Variants in SLC12A1 observed in about 807,000 individuals in gnomAD.
SLC12A1 encodes solute carrier family 12 member 1, also known as Na-K-2Cl cotransporter.
SLC12A1 carries 89 observed loss-of-function variants against 130.4 expected under a neutral mutation model. The ratio of observed to expected loss-of-function variants is 0.68; its 90% confidence interval spans 0.58 to 0.81. The LOEUF (loss-of-function observed/expected upper bound fraction) is 0.81. Among genes scored for constraint, SLC12A1 ranks in the 40% least tolerant of loss-of-function variants. The pLI is 0.00. For synonymous variants in SLC12A1, 499 were observed against 460.0 expected, an observed-to-expected ratio of 1.08 and a Z score of -1.09; for missense variants, 1,310 against 1,336.4, an observed-to-expected ratio of 0.98 and a Z score of 0.31.
At chr15:48,229,562 A>G (rs1031837812) in intron 6 of SLC12A1, among the ~76,000 whole-genome samples, 5 of 152,208 alleles carry the variant, frequency 3.3e-5, no homozygotes, top group Non-Finnish European at 5.9e-5. Context: ...TTCCAAATCT[A>G]TAATATGGGC....
intron 15 of SLC12A1, among the ~76,000 whole-genome samples, chr15:48,252,981 G>T (rs2041664963): frequency 6.6e-6 from 1 of 152,266 alleles, no homozygotes; most frequent in African/African-American, 2.4e-5. Flanking sequence ...GATGCCACAG[G>T]CTAATCAATT....
intron 4 of SLC12A1, chr15:48,225,943 A>C (rs1160932655): frequency 1.0e-6 from 1 of 972,390 alleles, no homozygotes; most frequent in African/African-American, 1.8e-5. Context: ...GATGTGTCAG[A>C]GGAGGTAATT....
At chr15:48,270,647 C>CAT (rs1051736675) in intron 19 of SLC12A1, among the ~76,000 whole-genome samples, 1 of 134,832 alleles carries the variant, frequency 7.4e-6, no homozygotes, top group Non-Finnish European at 1.5e-5. Context: ...CAAAGTATTT[C>CAT]ATATATATAT....
chr15:48,253,277 A>T (rs2041668569), intron 15 of SLC12A1, among the ~76,000 whole-genome samples: 1 of 152,254 alleles, frequency 6.6e-6, no homozygotes, highest in Non-Finnish European at 1.5e-5. Context: ...ACAGTGCTGT[A>T]ACCGTCATCA....
intron 19 of SLC12A1, among the ~76,000 whole-genome samples, chr15:48,274,148 AATG>A (rs2041926456): frequency 6.6e-6 from 1 of 152,192 alleles, no homozygotes; most frequent in Non-Finnish European, 1.5e-5. Flanking sequence ...TGATGTCAGA[AATG>A]TTACAGGAGT....
At chr15:48,213,184 G>A (rs2041075791) in intron 2 of SLC12A1, among the ~76,000 whole-genome samples, 1 of 152,178 alleles carries the variant, frequency 6.6e-6, no homozygotes. Context: ...CAGAGTCCTT[G>A]ATCTTCAGTT....
At chr15:48,285,604 C>T (rs1379553148) in intron 21 of SLC12A1, among the ~76,000 whole-genome samples, 1 of 152,220 alleles carries the variant, frequency 6.6e-6, no homozygotes, top group African/African-American at 2.4e-5. Flanking sequence ...TATCCACAGA[C>T]ACCCTTACCT....
At chr15:48,281,593 G>C (rs1427322057) in intron 20 of SLC12A1, among the ~76,000 whole-genome samples, 2 of 152,176 alleles carry the variant, frequency 1.3e-5, no homozygotes, top group African/African-American at 4.8e-5. Context: ...CAGAAGACTT[G>C]GGTCACTAGC....
At chr15:48,217,669 T>C (rs2041140645) in intron 2 of SLC12A1, among the ~76,000 whole-genome samples, 1 of 152,128 alleles carries the variant, frequency 6.6e-6, no homozygotes, top group Admixed American at 6.5e-5. Context: ...CAATAAGAAA[T>C]GAGCTGTCCC....
At chr15:48,221,707 T>G (rs547291793) in intron 4 of SLC12A1, among the ~76,000 whole-genome samples, 23 of 152,322 alleles carry the variant, frequency 1.5e-4, no homozygotes, top group Non-Finnish European at 1.8e-4. Flanking sequence ...TAGTAAAGTT[T>G]TTATGAAAAA....
In SLC12A1 at chr15:48,207,735, T is replaced by C. The variant is rs1232353451; in HGVS notation, c.16T>C (p.Ser6Pro). MSLNN[S>P]SNVFLDSVPS... Reference sequence around the variant, plus strand: ...ATTTTGGAAGATGTCACTGAACAACTCTTCCAATGTATTTCTGGATTCAGT... The same window carrying C: ...ATTTTGGAAGATGTCACTGAACAACCCTTCCAATGTATTTCTGGATTCAGT... The change falls in exon 2 of 27, where the codon TCT becomes CCT. Residue 6 changes from serine (S) to proline (P), a missense_variant. Coordinates refer to ENST00000380993, the MANE Select transcript of SLC12A1 (RefSeq NM_000338.3). The C allele has an allele frequency of 2.5e-6, 4 of 1,578,176 alleles. No homozygotes were observed. The highest frequency in any genetic ancestry group is 1.2e-5 in the South Asian group (1 of 84,272).
At chr15:48,237,938 C>A (rs1211882416) in intron 9 of SLC12A1, among the ~76,000 whole-genome samples, 1 of 151,880 alleles carries the variant, frequency 6.6e-6, no homozygotes, top group Non-Finnish European at 1.5e-5. Flanking sequence ...ATAATCTGGA[C>A]AAGAGATGGC....
chr15:48,267,632 C>A lies in SLC12A1; in HGVS notation c.2226C>A (p.Asn742Lys). Residue 742 changes from asparagine to lysine, a missense_variant, in exon 18 of 27, where the codon AAC becomes AAA. Coordinates refer to ENST00000380993, the MANE Select transcript of SLC12A1 (RefSeq NM_000338.3). ...AAAAACAGGCCTGGCTTATAAAGAA[C>A]AAAATCAAGGCTTTTTATGCTGCAG... ...MAKKQAWLIK[N>K]KIKAFYAAVA... 6.2e-7 allele frequency: 1 copy of A among 1,613,598 alleles called. No homozygotes were observed. The highest frequency in any genetic ancestry group is 8.5e-7 in the Non-Finnish European group (1 of 1,179,622).
intron 2 of SLC12A1, among the ~76,000 whole-genome samples, chr15:48,210,163 T>C (rs561168864): frequency 4.0e-5 from 6 of 151,478 alleles, no homozygotes; most frequent in Non-Finnish European, 7.4e-5. Flanking sequence ...CCCCCAGGAG[T>C]TTCCAAGACA....
intron 5 of SLC12A1, chr15:48,227,064 T>A (rs749379017): frequency 6.5e-7 from 1 of 1,539,886 alleles, no homozygotes; most frequent in Non-Finnish European, 8.8e-7. Context: ...ACACCTTTCT[T>A]GGGGGATTTT....
chr15:48,269,883 C>T, intron 19 of SLC12A1, 119 bp downstream of exon 19: 3 of 491,846 alleles, frequency 6.1e-6, no homozygotes, highest in Non-Finnish European at 1.1e-5. Context: ...GAGTACATTC[C>T]CCTGGTACTC....
intron 26 of SLC12A1, 134 bp downstream of exon 26, chr15:48,301,516 C>T (rs1488171872): frequency 1.3e-5 from 7 of 539,862 alleles, no homozygotes; most frequent in Admixed American, 3.2e-5. Context: ...GGGGGGAACA[C>T]GTGGGATTCT....
Position 48,280,607 on chromosome 15 carries a change from C to A in SLC12A1, c.2486-4499C>A, listed in dbSNP as rs149832072. Reference sequence around the variant, plus strand: ...TGGCCTTATAAACTATGACATACTACAGAATTATCTAATGTATTCAAGTTC... The same window carrying A: ...TGGCCTTATAAACTATGACATACTAAAGAATTATCTAATGTATTCAAGTTC... On this transcript the variant is annotated intron_variant, in intron 20 of 26. Coordinates refer to ENST00000380993, the MANE Select transcript of SLC12A1 (RefSeq NM_000338.3). Among the ~76,000 whole-genome samples, 9 of 152,210 alleles carry A rather than the reference C, an allele frequency of 5.9e-5. No homozygotes were observed. The East Asian group carries it at 1.7e-3, about 29-fold the overall frequency.
At chr15:48,261,571 C>A (rs961742997) in intron 17 of SLC12A1, among the ~76,000 whole-genome samples, 4 of 152,190 alleles carry the variant, frequency 2.6e-5, no homozygotes, top group African/African-American at 9.6e-5. Context: ...GCTCCTGGGG[C>A]TGCAGATGTT....
Sources: gnomAD v4.1 joint callset for allele counts (sites outside exome capture counted in the v4.1 genomes callset) on GRCh38, gnomAD v4.1.1 for gene constraint, MANE v1.5 for transcripts, NCBI Gene and HGNC (gene_info 2026-07-23, HGNC 2026-07-21) for gene names.